Variants in ARSB observed in about 807,000 individuals in gnomAD.
The protein encoded by ARSB is N-acetylgalactosamine-4-sulfatase.
ARSB carries 41 observed loss-of-function variants against 50.9 expected under a neutral mutation model. The ratio of observed to expected loss-of-function variants is 0.81; its 90% CI spans 0.63 to 1.04. The LOEUF is 1.04. Among genes scored for constraint, ARSB ranks in the 50% least tolerant of loss-of-function variants. The pLI is 0.00. For missense variants in ARSB, 672 were observed against 693.3 expected (o/e 0.97, Z 0.35); for synonymous variants, 269 against 284.8 (o/e 0.94, Z 0.56).
intron 5 of ARSB, among the ~76,000 whole-genome samples, chr5:78,854,467 T>C (rs149103335): frequency 4.9e-4 from 75 of 152,386 alleles, no homozygotes; most frequent in African/African-American, 1.7e-3. Flanking sequence ...ATTTTCCTTC[T>C]TAATTTCTTT....
intron 4 of ARSB, among the ~76,000 whole-genome samples, chr5:78,904,271 G>A (rs1245946683): frequency 2.0e-5 from 3 of 152,124 alleles, no homozygotes; most frequent in African/African-American, 7.2e-5. Context: ...TCAGTTTTTA[G>A]TAATTATCAA....
intron 6 of ARSB, among the ~76,000 whole-genome samples, chr5:78,835,006 TCTTTC>T (rs1431358612): frequency 1.1e-4 from 16 of 151,284 alleles, no homozygotes; most frequent in African/African-American, 3.9e-4. Context: ...TCCTTTTCTT[TCTTTC>T]ATTTTTTAAA....
At chr5:78,811,535 AT>A (rs751429385) in intron 6 of ARSB, among the ~76,000 whole-genome samples, 23 of 152,250 alleles carry the variant, frequency 1.5e-4, no homozygotes, top group African/African-American at 4.1e-4. Flanking sequence ...AAAGAATACA[AT>A]TTTTTTTAAA....
chr5:78,808,187 C>T (rs1480986856), intron 6 of ARSB, among the ~76,000 whole-genome samples: 1 of 151,036 alleles, frequency 6.6e-6, no homozygotes, highest in African/African-American at 2.4e-5. Flanking sequence ...ACCATGTACC[C>T]AACAATCATC....
Position 78,887,902 on chromosome 5 carries a change from T to G in ARSB, c.899-2075A>C, listed in dbSNP as rs570614675. ...GCAAAGTGTACACTCTTCCTATGAG[T>G]GTACATAGGAAGTTATTTCAAGGTA... On this transcript the variant is annotated intron_variant, in intron 4 of 7. Coordinates refer to ENST00000264914, the MANE Select transcript of ARSB (RefSeq NM_000046.5). Among the ~76,000 whole-genome samples the G allele has an allele frequency of 1.4e-4, 21 of 152,034 alleles. 1 individual carries two copies. Among genetic ancestry groups the G allele is most frequent in the Admixed American group, 4.6e-4 (7 of 15,276 alleles).
rs57964996 is a variant in ARSB at position 78,906,169 on chromosome 5, TAA to T, written c.899-20344_899-20343del. ...CAATCGCTAACCAAACATAAAAAAT[TAA>T]AAAAAAAAAAAATTAGCCAAGTGTA... On this transcript the variant is annotated intron_variant, in intron 4 of 7. Transcript: ENST00000264914. Among the ~76,000 whole-genome samples, 101 of 143,886 alleles carry T rather than the reference TAA, an allele frequency of 7.0e-4. 2 individuals carry two copies. The highest frequency in any genetic ancestry group is 2.3e-3 in the African/African-American group (92 of 39,470). 94.4% of individuals were successfully genotyped at this position (143,886 alleles called of 152,430 possible).
At chr5:78,938,748 G>T (rs1250893754) in intron 4 of ARSB, among the ~76,000 whole-genome samples, 6 of 152,218 alleles carry the variant, frequency 3.9e-5, no homozygotes, top group Admixed American at 3.3e-4. Context: ...GTAAGATTTA[G>T]AGGAATTAGT....
chr5:78,834,427 C>A (rs2112703655), intron 6 of ARSB, among the ~76,000 whole-genome samples: 1 of 151,694 alleles, frequency 6.6e-6, no homozygotes, highest in East Asian at 1.9e-4. Flanking sequence ...AGGCAACCAC[C>A]ATTCTATTTT....
At chr5:78,956,378 T>C (rs140753514) in intron 3 of ARSB, among the ~76,000 whole-genome samples, 2,353 of 152,042 alleles carry the variant, frequency 0.015, 55 homozygotes, top group African/African-American at 0.052. Flanking sequence ...GGGAGAGGAA[T>C]GGTGAGTGAT....
Position 78,797,006 on chromosome 5 carries a change from T to G in ARSB, c.1214-15032A>C, listed in dbSNP as rs553810099. Among the ~76,000 whole-genome samples the G allele has an allele frequency of 1.3e-4, 20 of 151,490 alleles. No individual in the cohort carries two copies. The East Asian group carries it at 2.3e-3, about 18-fold the overall frequency. On this transcript the variant is annotated intron_variant, in intron 6 of 7. Coordinates refer to ENST00000264914, the MANE Select transcript of ARSB (RefSeq NM_000046.5). The stretch of plus-strand genomic sequence containing the variant: ...CATTCTCCTGCCTCAGCCTCCCAAG[T>G]AGCTGGGACTACAGGCGCCCGCCAC...
At chr5:78,912,357 A>G (rs1437133573) in intron 4 of ARSB, among the ~76,000 whole-genome samples, 1 of 152,228 alleles carries the variant, frequency 6.6e-6, no homozygotes, top group Non-Finnish European at 1.5e-5. Context: ...GGTTTGCCAG[A>G]AGGAAAGTGA....
chr5:78,798,236 T>C, intron 6 of ARSB, among the ~76,000 whole-genome samples: 1 of 152,198 alleles, frequency 6.6e-6, no homozygotes, highest in Non-Finnish European at 1.5e-5. Flanking sequence ...CAGACAGCCA[T>C]CTCCAGTTCT....
chr5:78,977,192 T>C (rs914734426), intron 1 of ARSB, among the ~76,000 whole-genome samples: 7 of 148,376 alleles, frequency 4.7e-5, no homozygotes, highest in South Asian at 2.1e-4. Flanking sequence ...CTTGCTCTGT[T>C]GCTCAGGCTG....
At chr5:78,887,187 A>G (rs573286107) in intron 4 of ARSB, among the ~76,000 whole-genome samples, 3 of 152,304 alleles carry the variant, frequency 2.0e-5, no homozygotes, top group South Asian at 2.1e-4. Flanking sequence ...CTGATGACTG[A>G]TAAGTCCAAG....
At chr5:78,954,250 T>C (rs963916501) in intron 4 of ARSB, among the ~76,000 whole-genome samples, 3 of 152,108 alleles carry the variant, frequency 2.0e-5, no homozygotes, top group African/African-American at 4.8e-5. Flanking sequence ...CAAAAGGATC[T>C]GCATTTTCAG....
chr5:78,918,968 G>C lies in ARSB; in HGVS notation c.899-33141C>G, dbSNP rs542267409. On this transcript the variant is annotated intron_variant, in intron 4 of 7. Transcript: ENST00000264914. Reference sequence around the variant, plus strand: ...CAGCAACATAAAATGCTGCAGTTGAGTACTGGTAATAGAGGATAAGGAACA... The same window carrying C: ...CAGCAACATAAAATGCTGCAGTTGACTACTGGTAATAGAGGATAAGGAACA... 7.9e-5 allele frequency among the ~76,000 whole-genome samples: 12 copies of C among 152,260 alleles called. No individual in the cohort carries two copies. The East Asian group carries it at 1.7e-3, about 22-fold the overall frequency.
At chr5:78,972,543 A>ACACACACACACACACACACACACCCC (rs1361695118) in intron 1 of ARSB, among the ~76,000 whole-genome samples, 1 of 150,302 alleles carries the variant, frequency 6.7e-6, no homozygotes, top group African/African-American at 2.5e-5. Context: ...ACACACACAC[A>ACACACACACACACACACACACACCCC]CCCCAAATCA....
chr5:78,804,116 G>T (rs1234949764), intron 6 of ARSB, among the ~76,000 whole-genome samples: 1 of 151,992 alleles, frequency 6.6e-6, no homozygotes, highest in African/African-American at 2.4e-5. Context: ...TAAGACACAG[G>T]CACAGTGAGA....
intron 6 of ARSB, among the ~76,000 whole-genome samples, chr5:78,800,698 A>G (rs976053472): frequency 1.3e-5 from 2 of 152,222 alleles, no homozygotes; most frequent in African/African-American, 4.8e-5. Context: ...ATGAATTGGG[A>G]GAATAAATGT....
Sources: gnomAD v4.1 joint callset for allele counts (sites outside exome capture counted in the v4.1 genomes callset) on GRCh38, gnomAD v4.1.1 for gene constraint, MANE v1.5 for transcripts, NCBI Gene and HGNC (gene_info 2026-07-23, HGNC 2026-07-21) for gene names.